The following PTPRD variants were observed in gnomAD, a reference collection of about 807,000 sequenced individuals.
PTPRD encodes the protein protein tyrosine phosphatase receptor type D.
Under a neutral mutation model 214.5 loss-of-function variants are expected in PTPRD, and 34 were observed. The ratio of observed to expected loss-of-function variants is 0.16; its 90% confidence interval spans 0.12 to 0.21. The LOEUF (loss-of-function observed/expected upper bound fraction) is 0.21. PTPRD is among the 10% of genes least tolerant of loss of function. The pLI, the probability that PTPRD is intolerant of heterozygous loss-of-function variation, is 1.00. For synonymous variants in PTPRD, 1,128 were observed against 845.7 expected, an observed-to-expected ratio of 1.33 and a Z score of -5.79; for missense variants, 2,545 against 2,398.7, an observed-to-expected ratio of 1.06 and a Z score of -1.27.
intron 8 of PTPRD, among the ~76,000 whole-genome samples, chr9:9,406,886 G>C (rs940512628): frequency 1.3e-5 from 2 of 149,958 alleles, no homozygotes; most frequent in African/African-American, 4.9e-5. Context: ...CGTAGAAAAG[G>C]CATTTTTTTC....
chr9:9,567,214 G>A (rs1473001510), intron 8 of PTPRD, among the ~76,000 whole-genome samples: 1 of 151,890 alleles, frequency 6.6e-6, no homozygotes, highest in African/African-American at 2.4e-5. Context: ...TGTGTGAGTG[G>A]GTCTTGGTCA....
chr9:9,675,463 A>G (rs2096911055), intron 7 of PTPRD, among the ~76,000 whole-genome samples: 1 of 151,792 alleles, frequency 6.6e-6, no homozygotes, highest in Non-Finnish European at 1.5e-5. Context: ...CAAATTGTTT[A>G]AAAATATGAT....
intron 7 of PTPRD, among the ~76,000 whole-genome samples, chr9:9,681,562 C>G (rs901875862): frequency 1.5e-4 from 22 of 151,658 alleles, no homozygotes; most frequent in Non-Finnish European, 3.2e-4. Flanking sequence ...AGGCCCCATC[C>G]CCTCCCCATG....
intron 11 of PTPRD, among the ~76,000 whole-genome samples, chr9:8,955,837 G>T (rs908123200): frequency 1.4e-4 from 22 of 151,732 alleles, no homozygotes; most frequent in South Asian, 2.1e-4. Context: ...ACTGTCCTTT[G>T]CTAAAGAAGA....
intron 5 of PTPRD, among the ~76,000 whole-genome samples, chr9:9,767,943 C>G (rs1431886952): frequency 6.6e-6 from 1 of 152,076 alleles, no homozygotes; most frequent in Non-Finnish European, 1.5e-5. Flanking sequence ...GGAAGGAAAT[C>G]AGGTTACTGT....
intron 3 of PTPRD, among the ~76,000 whole-genome samples, chr9:10,297,125 T>A (rs935886734): frequency 2.1e-5 from 3 of 145,810 alleles, no homozygotes; most frequent in Admixed American, 6.9e-5. Flanking sequence ...ATATATAAAA[T>A]ATATATATAT....
At chr9:8,451,244 TA>T (rs2095935527) in intron 33 of PTPRD, among the ~76,000 whole-genome samples, 1 of 152,194 alleles carries the variant, frequency 6.6e-6, no homozygotes, top group African/African-American at 2.4e-5. Flanking sequence ...TAAGTCCTAT[TA>T]GACATGTTGC....
chr9:10,156,957 C>A lies in PTPRD; in HGVS notation c.-544-123167G>T, dbSNP rs12237135. On this transcript the variant is annotated intron_variant, in intron 3 of 45. Coordinates refer to ENST00000381196, the MANE Select transcript of PTPRD (RefSeq NM_002839.4). ...TCTGAAACTAGGATTGCAACTTCTG[C>A]TTTTTTCTGTTTTCCATTTGCCTGG... 1.5e-3 allele frequency among the ~76,000 whole-genome samples: 224 copies of A among 152,230 alleles called. No homozygotes were observed. The East Asian group carries it at 0.039, about 26-fold the overall frequency.
intron 3 of PTPRD, among the ~76,000 whole-genome samples, chr9:10,145,586 G>C (rs1210594503): frequency 2.6e-5 from 4 of 152,094 alleles, no homozygotes. Flanking sequence ...TATGTTATCA[G>C]TAAGGCTTCT....
chr9:9,060,328 C>G (rs1025371555), intron 10 of PTPRD, among the ~76,000 whole-genome samples: 2 of 152,096 alleles, frequency 1.3e-5, no homozygotes, highest in Admixed American at 6.5e-5. Context: ...GTGAATTTGA[C>G]TCTTATCTCA....
intron 3 of PTPRD, among the ~76,000 whole-genome samples, chr9:10,258,285 C>G (rs1344566956): frequency 6.7e-6 from 1 of 149,100 alleles, no homozygotes; most frequent in South Asian, 2.1e-4. Flanking sequence ...TCTACTTCCC[C>G]GTGCATGGTC....
chr9:10,037,130 GT>G (rs1469492081), intron 3 of PTPRD, among the ~76,000 whole-genome samples: 1 of 150,282 alleles, frequency 6.7e-6, no homozygotes, highest in Non-Finnish European at 1.5e-5. Flanking sequence ...GACTCAAGCA[GT>G]CCTTCTGCCT....
intron 9 of PTPRD, among the ~76,000 whole-genome samples, chr9:9,278,852 T>C (rs951759938): frequency 6.6e-6 from 1 of 151,362 alleles, no homozygotes; most frequent in African/African-American, 2.4e-5. Context: ...TCACTATTCA[T>C]CTACACATAC....
intron 3 of PTPRD, among the ~76,000 whole-genome samples, chr9:10,327,449 A>G (rs1471736648): frequency 2.6e-5 from 4 of 151,392 alleles, no homozygotes; most frequent in Admixed American, 2.6e-4. Context: ...AATTAAAGGA[A>G]TTATTGTAAG....
intron 5 of PTPRD, among the ~76,000 whole-genome samples, chr9:9,793,011 G>C (rs1346927777): frequency 6.6e-6 from 1 of 152,004 alleles, no homozygotes; most frequent in Non-Finnish European, 1.5e-5. Flanking sequence ...TGGCAAAATT[G>C]GCCCATTTAT....
At chr9:8,630,452 G>A (rs776679535) in intron 14 of PTPRD, among the ~76,000 whole-genome samples, 1 of 151,724 alleles carries the variant, frequency 6.6e-6, no homozygotes, top group Non-Finnish European at 1.5e-5. Flanking sequence ...AGCAAACAGT[G>A]ACTCCAGGAA....
intron 5 of PTPRD, among the ~76,000 whole-genome samples, chr9:9,913,805 A>G (rs946434557): frequency 1.3e-5 from 2 of 152,132 alleles, no homozygotes; most frequent in African/African-American, 4.8e-5. Context: ...TAGGAGCACA[A>G]GGTGTGTACT....
intron 9 of PTPRD, among the ~76,000 whole-genome samples, chr9:9,385,940 C>T (rs1216860355): frequency 6.6e-6 from 1 of 152,094 alleles, no homozygotes; most frequent in African/African-American, 2.4e-5. Flanking sequence ...AGTATGAACA[C>T]TCACCAGGAG....
intron 9 of PTPRD, among the ~76,000 whole-genome samples, chr9:9,188,689 A>T (rs938855867): frequency 1.2e-4 from 18 of 151,968 alleles, no homozygotes; most frequent in Non-Finnish European, 2.4e-4. Context: ...CCTTTTAAGG[A>T]TTTTCCCTGG....
Sources: gnomAD v4.1 joint callset for allele counts (sites outside exome capture counted in the v4.1 genomes callset) on GRCh38, gnomAD v4.1.1 for gene constraint, MANE v1.5 for transcripts, NCBI Gene and HGNC (gene_info 2026-07-23, HGNC 2026-07-21) for gene names.